The following AGO3 variants were observed in gnomAD, a reference collection of about 807,000 sequenced individuals.
The protein encoded by AGO3 is argonaute RISC catalytic component 3, also known as protein argonaute-3.
Under a neutral mutation model 105.5 loss-of-function variants are expected in AGO3, and 16 were observed. The observed-to-expected ratio is 0.15, with a 90% confidence interval of 0.10 to 0.23. The LOEUF is 0.23. Among genes scored for constraint, AGO3 ranks in the 10% least tolerant of loss-of-function variants. The probability of loss-of-function intolerance (pLI) is 1.00; values close to 1 mark genes in which losing one functional copy is unlikely to be tolerated. For missense variants in AGO3, 534 were observed against 1,088.0 expected (o/e 0.49, Z 7.16); for synonymous variants, 340 against 367.3 (o/e 0.93, Z 0.85).
intron 5 of AGO3, among the ~76,000 whole-genome samples, chr1:35,999,371 TC>T: frequency 6.6e-6 from 1 of 152,096 alleles, no homozygotes; most frequent in African/African-American, 2.4e-5. Flanking sequence ...TTGTGGCTAT[TC>T]TTGTTTCATT....
Position 35,939,084 on chromosome 1 carries a change from T to C in AGO3, c.20-6608T>C, listed in dbSNP as rs577554155. On this transcript the variant is annotated intron_variant, in intron 1 of 18. Transcript: ENST00000373191. Reference sequence around the variant, plus strand: ...GATAGTGCTTTGTATTTCTGTGTAGTTATATTTCCAACTCTAGTGGGCAGT... The same window carrying C: ...GATAGTGCTTTGTATTTCTGTGTAGCTATATTTCCAACTCTAGTGGGCAGT... Among the ~76,000 whole-genome samples the C allele has an allele frequency of 8.5e-4, 129 of 152,314 alleles. 1 individual carries two copies. Among genetic ancestry groups the C allele is most frequent in the African/African-American group, 3.1e-3 (127 of 41,572 alleles).
chr1:36,004,496 C>T, intron 6 of AGO3, 21 bp downstream of exon 6: 2 of 1,557,938 alleles, frequency 1.3e-6, no homozygotes, highest in African/African-American at 1.4e-5. Flanking sequence ...TAGCATTTAG[C>T]ACAACTTAAC....
At chr1:35,965,729 C>A (rs1352037103) in intron 2 of AGO3, among the ~76,000 whole-genome samples, 1 of 151,582 alleles carries the variant, frequency 6.6e-6, no homozygotes, top group Non-Finnish European at 1.5e-5. Flanking sequence ...TGTAGAAAAT[C>A]GCTCTGGGTA....
chr1:36,020,067 C>T (rs751991709), intron 11 of AGO3, among the ~76,000 whole-genome samples: 1 of 152,134 alleles, frequency 6.6e-6, no homozygotes, highest in Admixed American at 6.5e-5. Flanking sequence ...CCACCATGCC[C>T]GGCCAGTATA....
In AGO3 at chr1:36,066,707, G is replaced by A. The variant is rs1473334170; in HGVS notation, c.*10962G>A. 1 of 152,124 alleles carries A rather than the reference G, an allele frequency of 6.6e-6. No individual in the cohort carries two copies. Among genetic ancestry groups the A allele is most frequent in the Non-Finnish European group, 1.5e-5 (1 of 68,022 alleles). 9.4% of individuals were successfully genotyped at this position (152,124 alleles called of 1,614,324 possible). A position where few individuals can be genotyped will look rare whatever the true frequency, so the allele number is the denominator to read the frequency against. ...TAATAGTCTTTTTAGAACCAAAGAAGGAAAGACTGCAAAAATGTTGCATAC... is the reference window on the plus strand; with the variant it reads ...TAATAGTCTTTTTAGAACCAAAGAAAGAAAGACTGCAAAAATGTTGCATAC... On this transcript the variant is annotated 3_prime_UTR_variant, in exon 19 of 19. Coordinates refer to ENST00000373191, the MANE Select transcript of AGO3 (RefSeq NM_024852.4).
At chr1:36,049,400 A>C (rs143765427) in intron 17 of AGO3, among the ~76,000 whole-genome samples, 2,331 of 151,922 alleles carry the variant, frequency 0.015, 49 homozygotes, top group African/African-American at 0.053. Context: ...CACCTGTAGT[A>C]CCAGCTACTT....
chr1:36,049,528 A>G (rs1009389000), intron 17 of AGO3, among the ~76,000 whole-genome samples: 1 of 151,996 alleles, frequency 6.6e-6, no homozygotes, highest in Non-Finnish European at 1.5e-5. Flanking sequence ...AAAAAAAAAA[A>G]AAGAAAAGAA....
intron 12 of AGO3, among the ~76,000 whole-genome samples, chr1:36,031,425 T>C (rs1312396666): frequency 6.6e-6 from 1 of 152,212 alleles, no homozygotes; most frequent in Non-Finnish European, 1.5e-5. Flanking sequence ...CAAGCATTTC[T>C]ACCAGCAACA....
chr1:35,967,535 G>A (rs1557656192), intron 3 of AGO3, among the ~76,000 whole-genome samples: 1 of 151,634 alleles, frequency 6.6e-6, no homozygotes, highest in Non-Finnish European at 1.5e-5. Flanking sequence ...GTACCTCAGC[G>A]TCCTGAGTAG....
chr1:36,021,052 C>G (rs1182636416), intron 11 of AGO3, among the ~76,000 whole-genome samples: 2 of 151,748 alleles, frequency 1.3e-5, no homozygotes, highest in African/African-American at 4.8e-5. Context: ...CCTGCCTCAG[C>G]CTCTCGAGTA....
chr1:35,952,654 C>A (rs1408000260), intron 2 of AGO3, among the ~76,000 whole-genome samples: 1 of 152,098 alleles, frequency 6.6e-6, no homozygotes, highest in Non-Finnish European at 1.5e-5. Context: ...TGTTTAGATA[C>A]ACAAATACCA....
chr1:35,995,321 T>G (rs1282315900), intron 5 of AGO3, among the ~76,000 whole-genome samples: 1 of 151,476 alleles, frequency 6.6e-6, no homozygotes, highest in African/African-American at 2.4e-5. Context: ...CCAAAAAATC[T>G]TTTAAAGAAG....
intron 11 of AGO3, among the ~76,000 whole-genome samples, chr1:36,021,882 CTCTT>C (rs1165282841): frequency 6.6e-6 from 1 of 151,982 alleles, no homozygotes; most frequent in Non-Finnish European, 1.5e-5. Context: ...TCTTTCCTCT[CTCTT>C]TTTTTTTGTG....
At chr1:35,953,061 A>T (rs1361625667) in intron 2 of AGO3, among the ~76,000 whole-genome samples, 3 of 152,138 alleles carry the variant, frequency 2.0e-5, no homozygotes, top group Non-Finnish European at 4.4e-5. Context: ...TTTATGTTGG[A>T]TATATACCTA....
chr1:36,049,920 C>G (rs759976104), intron 17 of AGO3, among the ~76,000 whole-genome samples: 7 of 152,168 alleles, frequency 4.6e-5, no homozygotes, highest in Non-Finnish European at 7.4e-5. Context: ...TAATATAAAG[C>G]AAGTATTATT....
chr1:35,935,009 A>T (rs1248850957), intron 1 of AGO3, among the ~76,000 whole-genome samples: 1 of 152,238 alleles, frequency 6.6e-6, no homozygotes, highest in Admixed American at 6.5e-5. Flanking sequence ...AAATCAAATT[A>T]CTGCTCTGTC....
chr1:36,023,288 C>A (rs1380814173), intron 11 of AGO3, among the ~76,000 whole-genome samples: 2 of 152,236 alleles, frequency 1.3e-5, no homozygotes, highest in African/African-American at 4.8e-5. Flanking sequence ...CACAGAGAGT[C>A]TGACTGGTAC....
intron 11 of AGO3, among the ~76,000 whole-genome samples, chr1:36,024,968 C>T (rs1388405439): frequency 1.3e-5 from 2 of 151,920 alleles, no homozygotes; most frequent in African/African-American, 4.9e-5. Context: ...TATCTCTACC[C>T]ATCAGTATCC....
At chr1:36,009,734 A>G (rs971740160) in intron 9 of AGO3, 140 bp downstream of exon 9, 27 of 913,982 alleles carry the variant, frequency 3.0e-5, no homozygotes, top group Admixed American at 6.2e-5. Context: ...GAAGTAATCT[A>G]ATGTTCTTGA....
Sources: allele counts gnomAD v4.1 joint callset (sites outside exome capture counted in the v4.1 genomes callset), GRCh38; gene constraint gnomAD v4.1.1; transcripts MANE v1.5; gene names NCBI Gene and HGNC (gene_info 2026-07-23, HGNC 2026-07-21).